The following ADGRL2 variants were observed in gnomAD, a reference collection of about 807,000 sequenced individuals.
ADGRL2 encodes adhesion G protein-coupled receptor L2.
ADGRL2 carries 44 observed loss-of-function variants against 157.4 expected under a neutral mutation model. The ratio of observed to expected loss-of-function variants is 0.28; its 90% confidence interval spans 0.22 to 0.36. The LOEUF is 0.36. Ranked by LOEUF, ADGRL2 falls within the 10% of genes least tolerant of loss-of-function variation. The pLI is 1.00. For missense variants in ADGRL2, 1,510 were observed against 1,768.9 expected (o/e 0.85, Z 2.63); for synonymous variants, 585 against 624.7 (o/e 0.94, Z 0.95).
intron 2 of ADGRL2, among the ~76,000 whole-genome samples, chr1:81,472,544 T>C (rs2078192800): frequency 6.6e-6 from 1 of 151,772 alleles, no homozygotes; most frequent in African/African-American, 2.4e-5. Flanking sequence ...GGCAAGAGAA[T>C]CTCTTGAACC....
chr1:81,722,385 T>G, intron 1 of ADGRL2: 1 of 787,464 alleles, frequency 1.3e-6, no homozygotes, highest in Non-Finnish European at 2.2e-6. Flanking sequence ...GATGGTGAAC[T>G]GCAGAAAGCC....
chr1:81,426,286 A>G (rs1015830714), intron 1 of ADGRL2, among the ~76,000 whole-genome samples: 1 of 152,054 alleles, frequency 6.6e-6, no homozygotes, highest in Admixed American at 6.6e-5. Flanking sequence ...CTTGTGGCCT[A>G]TTTACAGGGG....
intron 1 of ADGRL2, among the ~76,000 whole-genome samples, chr1:81,830,435 G>A (rs2091863032): frequency 6.6e-6 from 1 of 152,184 alleles, no homozygotes; most frequent in African/African-American, 2.4e-5. Flanking sequence ...CAAAGGCAAT[G>A]TGCTATAGCA....
chr1:81,649,672 T>C (rs2082374892), intron 3 of ADGRL2, among the ~76,000 whole-genome samples: 1 of 152,208 alleles, frequency 6.6e-6, no homozygotes, highest in Non-Finnish European at 1.5e-5. Context: ...AATACAAGTA[T>C]TATTTACTCC....
At chr1:81,751,966 G>A (rs2085504409) in intron 1 of ADGRL2, among the ~76,000 whole-genome samples, 1 of 152,144 alleles carries the variant, frequency 6.6e-6, no homozygotes, top group Non-Finnish European at 1.5e-5. Flanking sequence ...TTAGTTTAGA[G>A]AAAAGTCTTT....
chr1:81,450,090 C>T (rs1348238937), intron 2 of ADGRL2, among the ~76,000 whole-genome samples: 1 of 152,088 alleles, frequency 6.6e-6, no homozygotes, highest in Non-Finnish European at 1.5e-5. Flanking sequence ...CAAAGTGAAC[C>T]AGTTGAGAAA....
chr1:81,764,808 C>G (rs1190379312), intron 2 of ADGRL2, among the ~76,000 whole-genome samples: 1 of 151,670 alleles, frequency 6.6e-6, no homozygotes, highest in Admixed American at 6.6e-5. Context: ...CTTTCTAGAC[C>G]AAGAATTTTA....
At chr1:81,618,316 ATCCCT>A (rs1570652350) in intron 3 of ADGRL2, among the ~76,000 whole-genome samples, 1 of 152,170 alleles carries the variant, frequency 6.6e-6, no homozygotes, top group East Asian at 1.9e-4. Flanking sequence ...TTGCACCTGA[ATCCCT>A]TGCTGTAGCT....
intron 2 of ADGRL2, among the ~76,000 whole-genome samples, chr1:81,544,719 G>A (rs1220087976): frequency 2.0e-5 from 3 of 152,142 alleles, no homozygotes; most frequent in East Asian, 3.8e-4. Context: ...AGGGGAGGCC[G>A]GAACTCTATC....
rs570754612 is a variant in ADGRL2 at position 81,712,362 on chromosome 1, G to A, written c.-143+12554G>A. Among the ~76,000 whole-genome samples, 348 of 152,236 alleles carry A rather than the reference G, an allele frequency of 2.3e-3. 2 individuals are homozygous for A. The highest frequency in any genetic ancestry group is 7.9e-3 in the African/African-American group (330 of 41,546). ...AAATAAATTCAAATCGGTCTTCATC[G>A]ATGTGACCTGACATGATGTCATTGA... On this transcript the variant is annotated intron_variant, in intron 1 of 20. Transcript: ENST00000359929.
intron 23 of ADGRL2, among the ~76,000 whole-genome samples, chr1:81,989,363 GT>G (rs927782535): frequency 2.0e-5 from 3 of 152,136 alleles, no homozygotes; most frequent in Admixed American, 1.3e-4. Context: ...TGGCCATGGT[GT>G]CTGTGGGCCT....
At chr1:81,912,066 TTTTTTTA>T (rs1557896809) in intron 3 of ADGRL2, among the ~76,000 whole-genome samples, 1 of 150,782 alleles carries the variant, frequency 6.6e-6, no homozygotes, top group Non-Finnish European at 1.5e-5. Flanking sequence ...TTCTTTTATT[TTTTTTTA>T]TTTTTTATTT....
At chr1:81,696,668 C>T (rs539052843), upstream of ADGRL2, among the ~76,000 whole-genome samples, 35 of 152,224 alleles carry the variant, frequency 2.3e-4, no homozygotes, top group African/African-American at 7.5e-4. Flanking sequence ...AGGAGAATGG[C>T]GTGAACCCGG....
chr1:81,540,610 A>G (rs902484022), intron 2 of ADGRL2, among the ~76,000 whole-genome samples: 2 of 152,218 alleles, frequency 1.3e-5, no homozygotes, highest in Non-Finnish European at 2.9e-5. Context: ...GACTAGAAAG[A>G]GCATTCCAGG....
chr1:81,541,494 C>T (rs1315036600), intron 2 of ADGRL2, among the ~76,000 whole-genome samples: 1 of 152,070 alleles, frequency 6.6e-6, no homozygotes, highest in African/African-American at 2.4e-5. Flanking sequence ...TTTCACACAC[C>T]CACATTGGCA....
rs184851297 is a variant in ADGRL2, at chr1:81,495,844, G to A, written c.-248+50755G>A. 1.2e-4 allele frequency among the ~76,000 whole-genome samples: 19 copies of A among 152,230 alleles called. No individual in the cohort carries two copies. In the South Asian group the frequency reaches 3.5e-3, roughly 28 times the overall value. ...AAAACACCTGATAAGTTTGTCATTG[G>A]TAACCATTTCTCATTGTTCTCCTGT... On this transcript the variant is annotated intron_variant, in intron 2 of 24. Transcript: ENST00000370721.
intron 6 of ADGRL2, among the ~76,000 whole-genome samples, chr1:81,946,269 AC>A: frequency 6.6e-6 from 1 of 151,058 alleles, no homozygotes; most frequent in African/African-American, 2.4e-5. Context: ...TAGCCTCAAT[AC>A]TTTTTCCCAT....
chr1:81,596,212 T>C, intron 3 of ADGRL2: 1 of 573,678 alleles, frequency 1.7e-6, no homozygotes, highest in Non-Finnish European at 3.3e-6. Context: ...GTCATCTGCT[T>C]AACAATCTCA....
intron 1 of ADGRL2, among the ~76,000 whole-genome samples, chr1:81,368,426 G>A (rs1040871266): frequency 6.6e-6 from 1 of 152,006 alleles, no homozygotes; most frequent in Non-Finnish European, 1.5e-5. Flanking sequence ...TCTCTTTAAC[G>A]TCTTTCAAAA....
Sources: gnomAD v4.1 joint callset for allele counts (sites outside exome capture counted in the v4.1 genomes callset) on GRCh38, gnomAD v4.1.1 for gene constraint, MANE v1.5 for transcripts, NCBI Gene and HGNC (gene_info 2026-07-23, HGNC 2026-07-21) for gene names.